The following NAALAD2 variants were observed in gnomAD, a reference collection of about 807,000 sequenced individuals.
The protein encoded by NAALAD2 is N-acetylated-alpha-linked acidic dipeptidase 2.
In NAALAD2, 89 loss-of-function variants were observed where a neutral mutation model predicts 95.6. The observed-to-expected ratio is 0.93, with a 90% CI of 0.78 to 1.11. The LOEUF is 1.11. Among genes scored for constraint, NAALAD2 ranks in the 50% least tolerant of loss-of-function variants. The probability of loss-of-function intolerance (pLI) is 0.00; values close to 1 mark genes in which losing one functional copy is unlikely to be tolerated. For synonymous variants in NAALAD2, 264 were observed against 294.4 expected, an observed-to-expected ratio of 0.90 and a Z score of 1.06; for missense variants, 894 against 872.4, an observed-to-expected ratio of 1.02 and a Z score of -0.31.
intron 11 of NAALAD2, among the ~76,000 whole-genome samples, chr11:90,166,929 C>T (rs1952470881): frequency 6.6e-6 from 1 of 152,002 alleles, no homozygotes; most frequent in Non-Finnish European, 1.5e-5. Context: ...ACAGGTGGAT[C>T]ACCTGAGGTC....
chr11:90,182,470 G>A (rs1591026436), intron 17 of NAALAD2, among the ~76,000 whole-genome samples: 1 of 152,066 alleles, frequency 6.6e-6, no homozygotes, highest in Admixed American at 6.6e-5. Context: ...TATCCATTAT[G>A]TGCAGCTATC....
chr11:90,161,626 C>G (rs1465607374), intron 8 of NAALAD2, among the ~76,000 whole-genome samples: 1 of 152,088 alleles, frequency 6.6e-6, no homozygotes. Context: ...CTCAAAAATA[C>G]TAAAAACGAG....
At chr11:90,143,373 C>T (rs191139589) in intron 2 of NAALAD2, among the ~76,000 whole-genome samples, 37 of 152,146 alleles carry the variant, frequency 2.4e-4, no homozygotes, top group Admixed American at 1.8e-3. Flanking sequence ...GGGTTGACTC[C>T]GCTAATACAC....
At chr11:90,184,804 C>T (rs1306083140) in intron 18 of NAALAD2, among the ~76,000 whole-genome samples, 1 of 151,892 alleles carries the variant, frequency 6.6e-6, no homozygotes, top group Non-Finnish European at 1.5e-5. Flanking sequence ...ATATAGTCAG[C>T]CCTCTGTATC....
At chr11:90,148,172 A>G (rs1032595377) in intron 3 of NAALAD2, among the ~76,000 whole-genome samples, 29 of 152,298 alleles carry the variant, frequency 1.9e-4, no homozygotes, top group African/African-American at 6.5e-4. Flanking sequence ...TAGATAGACA[A>G]CGTCCTCTAT....
intron 12 of NAALAD2, 83 bp from the exon 13 acceptor site, chr11:90,169,986 A>ACT: frequency 1.1e-6 from 1 of 878,458 alleles, no homozygotes; most frequent in South Asian, 1.4e-5. Context: ...CTTGTTTAAA[A>ACT]TTAGAAAATA....
At chr11:90,171,661 A>G (rs958337533) in intron 13 of NAALAD2, among the ~76,000 whole-genome samples, 6 of 152,126 alleles carry the variant, frequency 3.9e-5, no homozygotes, top group Admixed American at 1.3e-4. Context: ...GACAAAGGAG[A>G]CTTGTTTTTA....
chr11:90,137,972 T>C (rs897686695), intron 2 of NAALAD2, among the ~76,000 whole-genome samples: 2 of 151,932 alleles, frequency 1.3e-5, no homozygotes, highest in African/African-American at 2.4e-5. Context: ...GTTCTTTATA[T>C]AGAGTTGACT....
chr11:90,154,792 A>G lies in NAALAD2; in HGVS notation c.796+2308A>G, dbSNP rs141056531. ...AGAACTGTTTTTCACTACAAATTGA[A>G]TTTCATATATATATATGTAATATAT... On this transcript the variant is annotated intron_variant, in intron 6 of 18. Transcript: ENST00000534061. Among the ~76,000 whole-genome samples the G allele has an allele frequency of 3.0e-3, 451 of 148,340 alleles. 11 individuals are homozygous for G. Among genetic ancestry groups the G allele is most frequent in the East Asian group, 5.3e-3 (27 of 5,118 alleles).
chr11:90,157,208 C>G lies in NAALAD2; in HGVS notation c.797-937C>G, dbSNP rs183650924. Among the ~76,000 whole-genome samples the G allele has an allele frequency of 3.2e-3, 491 of 152,174 alleles. 6 individuals are homozygous for G. The highest frequency in any genetic ancestry group is 5.2e-3 in the South Asian group (25 of 4,814). The stretch of plus-strand genomic sequence containing the variant: ...GTCAATTATCTCATGAAGCTACTTA[C>G]ATAATAAAAATCTCATGATAGAACT... On this transcript the variant is annotated intron_variant, in intron 6 of 18. Coordinates refer to ENST00000534061, the MANE Select transcript of NAALAD2 (RefSeq NM_005467.4).
chr11:90,135,505 A>G, intron 1 of NAALAD2, 54 bp from the exon 2 acceptor site: 1 of 1,289,518 alleles, frequency 7.8e-7, no homozygotes. Flanking sequence ...GTTTTAATAA[A>G]GTCAAAGTGA....
At chr11:90,191,515 T>C (rs761813427) in intron 18 of NAALAD2, 43 bp from the exon 19 acceptor site, 5 of 1,406,510 alleles carry the variant, frequency 3.6e-6, no homozygotes, top group East Asian at 2.5e-5. Flanking sequence ...GCAAAATGCA[T>C]GTATACACTT....
chr11:90,175,300 T>C (rs1233810349), intron 14 of NAALAD2, among the ~76,000 whole-genome samples: 2 of 152,172 alleles, frequency 1.3e-5, no homozygotes, highest in African/African-American at 4.8e-5. Flanking sequence ...GAGGTCAGTC[T>C]CAAAAACATA....
At chr11:90,155,037 A>ATG (rs1176350712) in intron 6 of NAALAD2, among the ~76,000 whole-genome samples, 1 of 122,452 alleles carries the variant, frequency 8.2e-6, no homozygotes, top group Non-Finnish European at 1.5e-5. Flanking sequence ...ATATGTATAT[A>ATG]TGTGTGTATA....
intron 6 of NAALAD2, among the ~76,000 whole-genome samples, chr11:90,157,884 C>A (rs1485237144): frequency 6.6e-6 from 1 of 152,022 alleles, no homozygotes; most frequent in African/African-American, 2.4e-5. Flanking sequence ...CCACGTCCAG[C>A]TAATTTTTGT....
chr11:90,185,534 A>G (rs1181140180), intron 18 of NAALAD2, among the ~76,000 whole-genome samples: 3 of 152,064 alleles, frequency 2.0e-5, no homozygotes, highest in African/African-American at 7.2e-5. Context: ...TAGCTGGTGT[A>G]GTGGTGCATG....
chr11:90,153,670 T>G (rs1202258578), intron 6 of NAALAD2, among the ~76,000 whole-genome samples: 2 of 152,084 alleles, frequency 1.3e-5, no homozygotes, highest in Non-Finnish European at 2.9e-5. Context: ...AGAATTGAAT[T>G]AACAATATTG....
intron 16 of NAALAD2, among the ~76,000 whole-genome samples, chr11:90,180,129 A>T (rs1591023087): frequency 6.6e-6 from 1 of 151,994 alleles, no homozygotes; most frequent in Non-Finnish European, 1.5e-5. Flanking sequence ...ATAGTTTTTT[A>T]CCTCTCACTA....
At chr11:90,143,724 C>T (rs1951678176) in intron 2 of NAALAD2, among the ~76,000 whole-genome samples, 1 of 152,142 alleles carries the variant, frequency 6.6e-6, no homozygotes, top group Admixed American at 6.6e-5. Context: ...AGTTAACAGA[C>T]AATCCCTGAC....
Sources: allele counts gnomAD v4.1 joint callset (sites outside exome capture counted in the v4.1 genomes callset), GRCh38; gene constraint gnomAD v4.1.1; transcripts MANE v1.5; gene names NCBI Gene and HGNC (gene_info 2026-07-23, HGNC 2026-07-21).